CTNND2: variants seen among roughly 807,000 people sequenced by gnomAD.
The protein encoded by CTNND2 is catenin delta-2.
CTNND2 carries 22 observed loss-of-function variants against 144.4 expected under a neutral mutation model. The observed-to-expected ratio is 0.15, with a 90% CI of 0.11 to 0.22. CTNND2 has a LOEUF of 0.22. Among genes scored for constraint, CTNND2 ranks in the 10% least tolerant of loss-of-function variants. The pLI is 1.00. For missense variants in CTNND2, 1,353 were observed against 1,618.8 expected (o/e 0.84, Z 2.82); for synonymous variants, 751 against 695.6 (o/e 1.08, Z -1.25).
chr5:11,549,630 G>A (rs1775587792), intron 3 of CTNND2, among the ~76,000 whole-genome samples: 1 of 152,022 alleles, frequency 6.6e-6, no homozygotes, highest in African/African-American at 2.4e-5. Context: ...TACTCTCTTT[G>A]GTAAAATTCT....
chr5:11,341,637 G>A (rs1754285143), intron 9 of CTNND2, among the ~76,000 whole-genome samples: 1 of 152,208 alleles, frequency 6.6e-6, no homozygotes, highest in Non-Finnish European at 1.5e-5. Flanking sequence ...TGTTATTTGA[G>A]TTACATGGTA....
At chr5:11,543,387 C>T (rs1774933638) in intron 3 of CTNND2, among the ~76,000 whole-genome samples, 1 of 152,196 alleles carries the variant, frequency 6.6e-6, no homozygotes, top group South Asian at 2.1e-4. Flanking sequence ...TGACTACATA[C>T]AGGTATCTAC....
chr5:11,903,266 G>C lies in CTNND2; in HGVS notation c.37+551C>G, dbSNP rs1278492624. ...TGAAGCCGGCTGCAAAGGCTTGCTG[G>C]GAAGCCGCTAAATATAGACCAAGGG... On this transcript the variant is annotated intron_variant, in intron 1 of 21. Coordinates refer to ENST00000304623, the MANE Select transcript of CTNND2 (RefSeq NM_001332.4). This position sits in a 1 kb window ranked among gnomAD's most constrained non-coding sequence, Gnocchi z 5.4. 1.3e-5 allele frequency: 13 copies of C among 985,378 alleles called. No individual in the cohort carries two copies. The highest frequency in any genetic ancestry group is 1.6e-5 in the Non-Finnish European group (13 of 829,992). 61.0% of individuals were successfully genotyped at this position (985,378 alleles called of 1,614,324 possible). A position where few individuals can be genotyped will look rare whatever the true frequency, so the allele number is the denominator to read the frequency against.
chr5:11,110,521 G>A (rs1752856805), intron 14 of CTNND2, among the ~76,000 whole-genome samples: 1 of 152,290 alleles, frequency 6.6e-6, no homozygotes, highest in South Asian at 2.1e-4. Flanking sequence ...CCTGTCACCT[G>A]GATGGCATCA....
At position 11,460,870 on chromosome 5, in the gene CTNND2, C is replaced by T. The variant is rs140636446; in HGVS notation, c.288-48801G>A. ...ATCAAGACCATACTGACCAACATGG[C>T]GAAACCAGTCTCTACTAAAAATACA... On this transcript the variant is annotated intron_variant, in intron 3 of 21. Coordinates refer to ENST00000304623, the MANE Select transcript of CTNND2 (RefSeq NM_001332.4). 2.4e-3 allele frequency among the ~76,000 whole-genome samples: 364 copies of T among 151,956 alleles called. 2 individuals carry two copies. The highest frequency in any genetic ancestry group is 8.6e-3 in the African/African-American group (357 of 41,418).
chr5:11,212,931 T>A (rs142827147), intron 10 of CTNND2, among the ~76,000 whole-genome samples: 2 of 152,240 alleles, frequency 1.3e-5, no homozygotes, highest in Non-Finnish European at 2.9e-5. Context: ...CCACACATGG[T>A]TTCTGGGCAG....
intron 2 of CTNND2, among the ~76,000 whole-genome samples, chr5:11,680,461 C>T (rs1165167900): frequency 6.6e-6 from 1 of 151,968 alleles, no homozygotes; most frequent in Non-Finnish European, 1.5e-5. Flanking sequence ...TGCTAAACAC[C>T]CCACCACGCA....
At chr5:11,547,221 T>G (rs1216567616) in intron 3 of CTNND2, among the ~76,000 whole-genome samples, 1 of 151,352 alleles carries the variant, frequency 6.6e-6, no homozygotes, top group South Asian at 2.1e-4. Context: ...TGAGCCAAGA[T>G]CACGCCACCG....
At chr5:11,551,802 T>C (rs565187176) in intron 3 of CTNND2, among the ~76,000 whole-genome samples, 14 of 152,306 alleles carry the variant, frequency 9.2e-5, no homozygotes, top group Non-Finnish European at 2.1e-4. Context: ...GGTTTCACCA[T>C]GTTGGCCAGG....
intron 9 of CTNND2, among the ~76,000 whole-genome samples, chr5:11,289,593 C>A (rs1748112563): frequency 6.6e-6 from 1 of 152,206 alleles, no homozygotes; most frequent in Non-Finnish European, 1.5e-5. Flanking sequence ...CAGTCAGACG[C>A]CTTTGGATCC....
chr5:11,434,004 C>CA (rs1447852342), intron 3 of CTNND2, among the ~76,000 whole-genome samples: 5 of 152,170 alleles, frequency 3.3e-5, no homozygotes, highest in Non-Finnish European at 5.9e-5. Flanking sequence ...CATATATTTA[C>CA]AAAAAGACTT....
intron 3 of CTNND2, among the ~76,000 whole-genome samples, chr5:11,489,557 C>T (rs1316888097): frequency 1.3e-5 from 2 of 152,084 alleles, no homozygotes; most frequent in Admixed American, 6.6e-5. Context: ...AGGAGCTTTC[C>T]AACACACAGT....
intron 21 of CTNND2, among the ~76,000 whole-genome samples, chr5:10,977,826 A>G (rs953381667): frequency 6.6e-6 from 1 of 152,228 alleles, no homozygotes; most frequent in Non-Finnish European, 1.5e-5. Context: ...ACTGTGTTTT[A>G]TACTACTGAT....
At chr5:11,533,580 C>A (rs1289523124) in intron 3 of CTNND2, among the ~76,000 whole-genome samples, 1 of 152,236 alleles carries the variant, frequency 6.6e-6, no homozygotes, top group Admixed American at 6.5e-5. Flanking sequence ...CAGCACAACT[C>A]TTCCTTTCCA....
At chr5:11,308,878 G>T (rs452973) in intron 9 of CTNND2, among the ~76,000 whole-genome samples, 37,734 of 152,010 alleles carry the variant, frequency 0.25, 4,797 homozygotes, top group East Asian at 0.39. Flanking sequence ...CAGAAAGCAT[G>T]GCTGGGGAGG....
intron 1 of CTNND2, among the ~76,000 whole-genome samples, chr5:11,883,746 G>A (rs1466454260): frequency 1.3e-5 from 2 of 152,158 alleles, no homozygotes; most frequent in African/African-American, 4.8e-5. Flanking sequence ...GATCCTTGAG[G>A]AATCGCCACA....
At chr5:11,726,270 T>C (rs1787012463) in intron 2 of CTNND2, among the ~76,000 whole-genome samples, 2 of 152,138 alleles carry the variant, frequency 1.3e-5, no homozygotes, top group Admixed American at 1.3e-4. Context: ...TGAATCTATA[T>C]CACATACTCA....
chr5:11,715,059 T>TGAGA (rs1786276911), intron 2 of CTNND2, among the ~76,000 whole-genome samples: 1 of 152,202 alleles, frequency 6.6e-6, no homozygotes, highest in African/African-American at 2.4e-5. Context: ...CTTAAGATTT[T>TGAGA]GAGAGATAGG....
At chr5:11,891,396 T>C (rs1364014704) in intron 1 of CTNND2, among the ~76,000 whole-genome samples, 2 of 152,206 alleles carry the variant, frequency 1.3e-5, no homozygotes, top group Non-Finnish European at 2.9e-5. Flanking sequence ...TGGCCTTCCT[T>C]GACACTGGGT....
Sources: allele counts gnomAD v4.1 joint callset (sites outside exome capture counted in the v4.1 genomes callset), GRCh38; gene constraint gnomAD v4.1.1; non-coding constraint Gnocchi (gnomAD v3.1); transcripts MANE v1.5; gene names NCBI Gene and HGNC (gene_info 2026-07-23, HGNC 2026-07-21).